GAREM1: variants seen among roughly 807,000 people sequenced by gnomAD.
The protein encoded by GAREM1 is GRB2 associated regulator of MAPK1 subtype 1.
A neutral mutation model predicts 71.3 loss-of-function variants in GAREM1; 26 were observed. The observed-to-expected ratio is 0.36, with a 90% CI of 0.27 to 0.51. The LOEUF is 0.51. Ranked by LOEUF, GAREM1 falls within the 20% of genes least tolerant of loss-of-function variation. The pLI is 0.95. For missense variants in GAREM1, 1,026 were observed against 1,103.1 expected, an observed-to-expected ratio of 0.93 and a Z score of 0.99; for synonymous variants, 440 against 433.2, an observed-to-expected ratio of 1.02 and a Z score of -0.20.
chr18:32,284,979 G>C (rs1290202363), intron 4 of GAREM1, among the ~76,000 whole-genome samples: 1 of 151,926 alleles, frequency 6.6e-6, no homozygotes, highest in Non-Finnish European at 1.5e-5. Context: ...TCGATCTCCT[G>C]ACCTCATGAT....
intron 2 of GAREM1, among the ~76,000 whole-genome samples, chr18:32,350,337 C>T (rs1212335748): frequency 6.6e-6 from 1 of 152,108 alleles, no homozygotes; most frequent in Non-Finnish European, 1.5e-5. Flanking sequence ...CTTAATACAA[C>T]TACTATTACA....
chr18:32,289,579 A>G (rs2047059344), intron 3 of GAREM1, among the ~76,000 whole-genome samples: 1 of 151,994 alleles, frequency 6.6e-6, no homozygotes, highest in African/African-American at 2.4e-5. Context: ...TTTTTTTTAA[A>G]ATGTAGTCAA....
intron 2 of GAREM1, among the ~76,000 whole-genome samples, chr18:32,322,078 G>C (rs893081594): frequency 6.6e-6 from 1 of 152,202 alleles, no homozygotes; most frequent in African/African-American, 2.4e-5. Context: ...CTGGCTTTGA[G>C]AAAAGGAGAA....
chr18:32,359,786 T>C (rs2047846253), intron 2 of GAREM1, among the ~76,000 whole-genome samples: 3 of 152,162 alleles, frequency 2.0e-5, no homozygotes, highest in South Asian at 2.1e-4. Context: ...ATTAGCTGGA[T>C]GTGGTGGTAC....
intron 1 of GAREM1, among the ~76,000 whole-genome samples, chr18:32,434,100 T>C (rs1358603914): frequency 1.3e-5 from 2 of 152,082 alleles, no homozygotes; most frequent in African/African-American, 2.4e-5. Context: ...GAATAGAGAA[T>C]CCAAAAATAG....
Position 32,265,357 on chromosome 18 carries a change from T to C in GAREM1, c.*2514A>G, listed in dbSNP as rs1040323954. The stretch of plus-strand genomic sequence containing the variant: ...ATTCCAAGTTTTAGTGATCTTGGGG[T>C]GTTCTGTACCCCTTAATAGAGGCTG... On this transcript the variant is annotated 3_prime_UTR_variant, in exon 6 of 6. Transcript: ENST00000269209. The C allele has an allele frequency of 7.9e-5, 12 of 152,322 alleles. No individual in the cohort carries two copies. The highest frequency in any genetic ancestry group is 2.9e-4 in the African/African-American group (12 of 41,572). The allele number at this position is 152,322 out of a possible 1,614,324, so 9.4% of individuals were successfully genotyped here. A position where few individuals can be genotyped will look rare whatever the true frequency, so the allele number is the denominator to read the frequency against.
chr18:32,287,865 C>G lies in GAREM1; in HGVS notation c.732G>C (p.Arg244Ser). 2 of 1,613,766 alleles carry G rather than the reference C, an allele frequency of 1.2e-6. No homozygotes were observed. The highest frequency in any genetic ancestry group is 1.7e-6 in the Non-Finnish European group (2 of 1,179,938). Reference protein sequence around the residue: ...HTIRNIVEKTRLPVNVTVPSP... With the variant: ...HTIRNIVEKTSLPVNVTVPSP... Reference sequence around the variant, plus strand: ...TTGGCACAGTCACATTCACAGGAAGCCTGGTTTTCTCCACAATGTTGCGGA... The same window carrying G: ...TTGGCACAGTCACATTCACAGGAAGGCTGGTTTTCTCCACAATGTTGCGGA... The change falls in exon 4 of 6, where the codon AGG (arginine) becomes AGC (serine). Residue 244 changes from arginine to serine, a missense_variant. This residue lies in a region of GAREM1 where 218 missense variants were observed against 296.8 expected (regional missense o/e 0.73). Transcript: ENST00000269209. This position sits in a 1 kb window ranked among gnomAD's most constrained non-coding sequence, Gnocchi z 5.9.
chr18:32,310,168 T>C (rs909743859), intron 3 of GAREM1, 25 bp downstream of exon 3: 10 of 1,612,516 alleles, frequency 6.2e-6, no homozygotes, highest in Non-Finnish European at 7.6e-6. Flanking sequence ...TGAGTATAAA[T>C]ATTTGGTGCT....
intron 4 of GAREM1, among the ~76,000 whole-genome samples, chr18:32,278,039 A>T (rs2041565263): frequency 6.6e-6 from 1 of 152,224 alleles, no homozygotes; most frequent in Admixed American, 6.5e-5. Context: ...TTTCTTGGAA[A>T]GCCTTTGTTT....
intron 2 of GAREM1, among the ~76,000 whole-genome samples, chr18:32,388,171 C>G (rs1406034380): frequency 1.3e-5 from 2 of 152,128 alleles, no homozygotes; most frequent in African/African-American, 4.8e-5. Context: ...TTTGAAGAAA[C>G]AAGGACAGCA....
chr18:32,444,026 T>C (rs1443220898), intron 1 of GAREM1, among the ~76,000 whole-genome samples: 1 of 152,136 alleles, frequency 6.6e-6, no homozygotes. Flanking sequence ...AAAGGCCACA[T>C]ATTGTATGAG....
chr18:32,307,561 C>T (rs1424704999), intron 3 of GAREM1, among the ~76,000 whole-genome samples: 2 of 152,190 alleles, frequency 1.3e-5, no homozygotes, highest in African/African-American at 4.8e-5. Context: ...CTCACTCTGT[C>T]GCTAAGGCTG....
intron 3 of GAREM1, among the ~76,000 whole-genome samples, chr18:32,289,258 T>C (rs2047055558): frequency 1.3e-5 from 2 of 152,136 alleles, no homozygotes; most frequent in South Asian, 4.1e-4. Context: ...TGCATATATT[T>C]GAAAGGTCTA....
intron 2 of GAREM1, among the ~76,000 whole-genome samples, chr18:32,324,942 T>C (rs940988405): frequency 6.6e-6 from 1 of 152,156 alleles, no homozygotes; most frequent in Non-Finnish European, 1.5e-5. Flanking sequence ...AATGGATGAA[T>C]AGGTGGAACA....
chr18:32,394,574 A>G (rs962100286), intron 1 of GAREM1, among the ~76,000 whole-genome samples: 5 of 151,920 alleles, frequency 3.3e-5, no homozygotes, highest in Non-Finnish European at 7.4e-5. Context: ...CATCGGGGGG[A>G]TTTTTCAAAC....
At chr18:32,353,840 G>A (rs779587567) in intron 2 of GAREM1, among the ~76,000 whole-genome samples, 4 of 152,098 alleles carry the variant, frequency 2.6e-5, no homozygotes, top group Non-Finnish European at 5.9e-5. Flanking sequence ...GACTTAATAG[G>A]AAGAAGGAGA....
intron 2 of GAREM1, among the ~76,000 whole-genome samples, chr18:32,353,295 C>G (rs922465353): frequency 1.1e-4 from 16 of 152,294 alleles, no homozygotes; most frequent in Admixed American, 9.8e-4. Context: ...GCATAGGGGA[C>G]ACAGTAGTAT....
chr18:32,397,489 C>G (rs2048268963), intron 1 of GAREM1, among the ~76,000 whole-genome samples: 1 of 152,064 alleles, frequency 6.6e-6, no homozygotes. Context: ...CAAAAAAAGG[C>G]AGGGGTTGCA....
chr18:32,438,788 A>G (rs1193014690), intron 1 of GAREM1, among the ~76,000 whole-genome samples: 4 of 152,228 alleles, frequency 2.6e-5, no homozygotes, highest in Non-Finnish European at 5.9e-5. Context: ...AGGACTGCTA[A>G]GAAACATTTA....
Sources: gnomAD v4.1 joint callset for allele counts (sites outside exome capture counted in the v4.1 genomes callset) on GRCh38, gnomAD v4.1.1 for gene constraint, gnomAD v4.1.1 regional missense constraint, Gnocchi (gnomAD v3.1) non-coding constraint, MANE v1.5 for transcripts, NCBI Gene and HGNC (gene_info 2026-07-23, HGNC 2026-07-21) for gene names.